FHAD1: variants seen among roughly 807,000 people sequenced by gnomAD.
The protein encoded by FHAD1 is forkhead associated phosphopeptide binding domain 1.
FHAD1 carries 146 observed loss-of-function variants against 191.3 expected under a neutral mutation model. The ratio of observed to expected loss-of-function variants is 0.76; its 90% confidence interval spans 0.67 to 0.88. The LOEUF (loss-of-function observed/expected upper bound fraction) is 0.88, where lower values mean the gene tolerates loss of function less well. Among genes scored for constraint, FHAD1 ranks in the 40% least tolerant of loss-of-function variants. FHAD1 has a pLI of 0.00. For synonymous variants in FHAD1, 616 were observed against 672.3 expected, an observed-to-expected ratio of 0.92 and a Z score of 1.29; for missense variants, 1,635 against 1,785.8, an observed-to-expected ratio of 0.92 and a Z score of 1.52.
At chr1:15,391,445 G>C (rs898801295) in intron 33 of FHAD1, among the ~76,000 whole-genome samples, 182 bp downstream of exon 33, 9 of 152,040 alleles carry the variant, frequency 5.9e-5, no homozygotes, top group African/African-American at 2.2e-4. Context: ...TGCCTGCCTC[G>C]GCCTCCCAAA....
At chr1:15,295,688 G>C (rs751293726) in intron 4 of FHAD1, among the ~76,000 whole-genome samples, 6 of 151,938 alleles carry the variant, frequency 3.9e-5, no homozygotes, top group Non-Finnish European at 7.4e-5. Context: ...ATCCACAGTT[G>C]GTTGACTCCA....
chr1:15,327,273 C>T lies in FHAD1; in HGVS notation c.1557+131C>T. On this transcript the variant is annotated intron_variant, in intron 12 of 33. Transcript: ENST00000688493. This position sits in a 1 kb window ranked among gnomAD's most constrained non-coding sequence, Gnocchi z 5.1. ...GCATATTTTTCACACTGTTGCTACA[C>T]CATAAAGATTTGTTTTGATTTTATG... The T allele has an allele frequency of 1.7e-6, 1 of 598,716 alleles. No individual in the cohort carries two copies. The highest frequency in any genetic ancestry group is 3.0e-6 in the Non-Finnish European group (1 of 337,472). The allele number at this position is 598,716 out of a possible 1,614,324, so 37.1% of individuals were successfully genotyped here.
At position 15,348,745 on chromosome 1, in the gene FHAD1, C is replaced by T. The variant is rs115180774; in HGVS notation, c.2347-297C>T. On this transcript the variant is annotated intron_variant, in intron 18 of 33. Coordinates refer to ENST00000688493, the MANE Select transcript of FHAD1 (RefSeq NM_001391957.1). ...GAGAGCTCTTTATTCAGGCTCAGTG[C>T]TTTCCTCTGCGCAGGCTTCAGATCC... Among the ~76,000 whole-genome samples, 1,322 of 152,232 alleles carry T rather than the reference C, an allele frequency of 8.7e-3. 20 individuals are homozygous for T. The highest frequency in any genetic ancestry group is 0.03 in the African/African-American group (1,246 of 41,514).
At chr1:15,323,729 C>T (rs1458062209) in intron 10 of FHAD1, among the ~76,000 whole-genome samples, 1 of 152,146 alleles carries the variant, frequency 6.6e-6, no homozygotes, top group Admixed American at 6.5e-5. Context: ...CAGCAGAGGG[C>T]AGCACCGAAC....
At chr1:15,347,906 G>A (rs1270339904) in intron 18 of FHAD1, among the ~76,000 whole-genome samples, 1 of 152,218 alleles carries the variant, frequency 6.6e-6, no homozygotes, top group African/African-American at 2.4e-5. Flanking sequence ...TAGGGCCTGT[G>A]TGTGAGCCAG....
chr1:15,271,362 C>T (rs995683218), intron 2 of FHAD1, among the ~76,000 whole-genome samples: 1 of 152,176 alleles, frequency 6.6e-6, no homozygotes, highest in African/African-American at 2.4e-5. Context: ...ACAGTCAGAA[C>T]ATTTCCCTTC....
chr1:15,295,658 C>G (rs551317860), intron 4 of FHAD1, among the ~76,000 whole-genome samples: 1 of 152,168 alleles, frequency 6.6e-6, no homozygotes, highest in East Asian at 1.9e-4. Context: ...TACACACATA[C>G]TCATACATAT....
At chr1:15,350,128 C>A (rs1245183535) in intron 19 of FHAD1, among the ~76,000 whole-genome samples, 5 of 152,218 alleles carry the variant, frequency 3.3e-5, no homozygotes, top group African/African-American at 1.2e-4. Flanking sequence ...CATAAATATT[C>A]ATTTATCCAC....
At chr1:15,339,453 AC>A (rs1331176893) in intron 14 of FHAD1, 27 bp from the exon 15 acceptor site, 2 of 1,119,398 alleles carry the variant, frequency 1.8e-6, no homozygotes, top group Non-Finnish European at 2.4e-6. Context: ...ATTGATACTT[AC>A]ATTCTTCCTG....
upstream of FHAD1, among the ~76,000 whole-genome samples, chr1:15,244,218 A>T (rs917071015): frequency 6.6e-6 from 1 of 152,212 alleles, no homozygotes; most frequent in Non-Finnish European, 1.5e-5. This position sits in a 1 kb window ranked among gnomAD's most constrained non-coding sequence, Gnocchi z 5.1. Context: ...GGTTTCAAGA[A>T]CTTTGCACAC....
At chr1:15,390,741 G>A (rs919325962) in intron 32 of FHAD1, among the ~76,000 whole-genome samples, 1 of 152,220 alleles carries the variant, frequency 6.6e-6, no homozygotes, top group African/African-American at 2.4e-5. Context: ...CAGATTCTGG[G>A]TGACGATGAC....
At chr1:15,268,232 G>A (rs1654417177) in intron 2 of FHAD1, among the ~76,000 whole-genome samples, 1 of 147,284 alleles carries the variant, frequency 6.8e-6, no homozygotes, top group African/African-American at 2.5e-5. Flanking sequence ...ACCTATGAGT[G>A]AGAATATACG....
chr1:15,362,687 C>G lies in FHAD1; in HGVS notation c.3008C>G (p.Thr1003Arg). 6.4e-7 allele frequency: 1 copy of G among 1,551,804 alleles called. No individual in the cohort carries two copies. The highest frequency in any genetic ancestry group is 1.4e-5 in the African/African-American group (1 of 73,192). ...RPQDPLVAPM[T>R]ESSAKDMAYE... ...CAAGACCCTCTGGTGGCTCCCATGA[C>G]AGAGAGCAGTGCCAAAGACATGGCG... Residue 1003 changes from threonine to arginine, a missense_variant, in exon 23 of 34, where the codon ACA becomes AGA. Transcript: ENST00000688493.
chr1:15,350,528 G>A (rs1487782629), intron 19 of FHAD1, among the ~76,000 whole-genome samples: 1 of 152,210 alleles, frequency 6.6e-6, no homozygotes, highest in Non-Finnish European at 1.5e-5. Flanking sequence ...AGGCACCAGG[G>A]CGCAGTGGAA....
intron 31 of FHAD1, among the ~76,000 whole-genome samples, chr1:15,385,891 G>C (rs1252562410): frequency 6.6e-6 from 1 of 152,220 alleles, no homozygotes; most frequent in Non-Finnish European, 1.5e-5. Context: ...GAACCTCGTG[G>C]TCATCAGCCT....
chr1:15,395,182 C>T (rs1223291568), intron 33 of FHAD1, among the ~76,000 whole-genome samples: 4 of 151,742 alleles, frequency 2.6e-5, no homozygotes, highest in Non-Finnish European at 5.9e-5. Context: ...GGCATGCTGG[C>T]GGGCACCTGT....
intron 4 of FHAD1, among the ~76,000 whole-genome samples, chr1:15,290,449 G>A (rs966523170): frequency 6.6e-6 from 1 of 152,010 alleles, no homozygotes; most frequent in Non-Finnish European, 1.5e-5. Flanking sequence ...CAGGCCCTTC[G>A]GAGTCCCCAG....
At chr1:15,351,537 G>A (rs1220348518) in intron 19 of FHAD1, among the ~76,000 whole-genome samples, 3 of 152,106 alleles carry the variant, frequency 2.0e-5, no homozygotes, top group Admixed American at 6.5e-5. Context: ...TACAGCCTGC[G>A]TTTCCTTTCT....
intron 1 of FHAD1, among the ~76,000 whole-genome samples, chr1:15,250,224 TCA>T (rs1302628874): frequency 3.3e-5 from 5 of 152,360 alleles, no homozygotes; most frequent in African/African-American, 1.2e-4. Flanking sequence ...GTGGAGGATA[TCA>T]CACTGCATCT....
Sources: allele counts gnomAD v4.1 joint callset (sites outside exome capture counted in the v4.1 genomes callset), GRCh38; gene constraint gnomAD v4.1.1; non-coding constraint Gnocchi (gnomAD v3.1); transcripts MANE v1.5; gene names NCBI Gene and HGNC (gene_info 2026-07-23, HGNC 2026-07-21).